The following ATL1 variants were observed in gnomAD, a reference collection of about 807,000 sequenced individuals.
ATL1 encodes the protein atlastin-1.
A neutral mutation model predicts 75.5 loss-of-function variants in ATL1; 31 were observed. The observed-to-expected ratio is 0.41, with a 90% confidence interval of 0.31 to 0.55. The LOEUF is 0.55. Among genes scored for constraint, ATL1 ranks in the 20% least tolerant of loss-of-function variants. ATL1 has a pLI of 0.27. For synonymous variants in ATL1, 226 were observed against 233.3 expected, an observed-to-expected ratio of 0.97 and a Z score of 0.28; for missense variants, 405 against 662.6, an observed-to-expected ratio of 0.61 and a Z score of 4.27.
chr14:50,623,352 G>T, intron 11 of ATL1, 104 bp downstream of exon 11: 1 of 906,396 alleles, frequency 1.1e-6, no homozygotes, highest in Non-Finnish European at 1.8e-6. Context: ...CATGCAATGA[G>T]GTGGCTTTGA....
intron 1 of ATL1, among the ~76,000 whole-genome samples, chr14:50,548,915 A>G (rs1319772533): frequency 6.6e-6 from 1 of 152,182 alleles, no homozygotes; most frequent in Non-Finnish European, 1.5e-5. Flanking sequence ...CACCACCAGA[A>G]AGCAGACCAC....
chr14:50,581,856 T>C (rs941981472), intron 1 of ATL1, among the ~76,000 whole-genome samples: 4 of 152,302 alleles, frequency 2.6e-5, no homozygotes, highest in Admixed American at 2.6e-4. Flanking sequence ...AATCTGCATA[T>C]TTACTGATTT....
intron 6 of ATL1, among the ~76,000 whole-genome samples, chr14:50,603,964 A>G (rs1452451377): frequency 6.6e-6 from 1 of 152,106 alleles, no homozygotes; most frequent in East Asian, 1.9e-4. Flanking sequence ...GATTCTCCCA[A>G]TTTCTACATT....
intron 1 of ATL1, among the ~76,000 whole-genome samples, chr14:50,575,078 A>G (rs1478953462): frequency 6.7e-6 from 1 of 149,122 alleles, no homozygotes; most frequent in Non-Finnish European, 1.5e-5. Context: ...TTTGTCTTTA[A>G]TTACTGGAAA....
chr14:50,608,507 GC>G (rs1768617998), intron 6 of ATL1, among the ~76,000 whole-genome samples: 1 of 151,970 alleles, frequency 6.6e-6, no homozygotes, highest in African/African-American at 2.4e-5. Context: ...CAGTTTATCA[GC>G]ACATCACTGG....
intron 1 of ATL1, 97 bp downstream of exon 1, chr14:50,560,396 T>A: frequency 6.7e-7 from 1 of 1,486,198 alleles, no homozygotes; most frequent in Non-Finnish European, 9.2e-7. Flanking sequence ...GGCTGCTAGG[T>A]GCCTGCGTCC....
intron 1 of ATL1, among the ~76,000 whole-genome samples, chr14:50,568,525 T>A (rs1003355919): frequency 1.3e-5 from 2 of 152,226 alleles, no homozygotes; most frequent in African/African-American, 4.8e-5. Context: ...GTGGAATATC[T>A]TTTTCCACCC....
intron 1 of ATL1, among the ~76,000 whole-genome samples, chr14:50,537,647 A>G (rs1422328344): frequency 9.2e-5 from 14 of 152,240 alleles, no homozygotes; most frequent in Admixed American, 9.2e-4. Flanking sequence ...GCCCAAGACC[A>G]TGGGAACCAA....
chr14:50,613,799 A>G (rs1018855238), intron 7 of ATL1, among the ~76,000 whole-genome samples: 3 of 152,186 alleles, frequency 2.0e-5, no homozygotes, highest in Non-Finnish European at 4.4e-5. Flanking sequence ...ATTTACAAAA[A>G]TGTTCCTTGA....
upstream of ATL1, among the ~76,000 whole-genome samples, chr14:50,555,805 T>C (rs1378926616): frequency 1.3e-5 from 2 of 152,226 alleles, no homozygotes; most frequent in Non-Finnish European, 2.9e-5. Context: ...AAAGTAAATG[T>C]CATTTTTTGG....
At position 50,564,773 on chromosome 14, in the gene ATL1, G is replaced by A. The variant is rs1409898602; in HGVS notation, c.34+4474G>A. Among the ~76,000 whole-genome samples the A allele has an allele frequency of 2.6e-5, 4 of 151,654 alleles. No homozygotes were observed. The East Asian group carries it at 5.8e-4, about 22-fold the overall frequency. ...TATCTTAGCTTCACAGTAAGTGTAG[G>A]AAATGCCTATTTGTTGAAAAGGCAT... On this transcript the variant is annotated intron_variant, in intron 1 of 13. Transcript: ENST00000358385.
chr14:50,593,896 G>T lies in ATL1; in HGVS notation c.573G>T (p.Gln191His). Residue 191 changes from glutamine (Q) to histidine (H), a missense_variant and splice_region_variant, in exon 5 of 14, where the codon CAG becomes CAT. This residue lies in a region of ATL1 where 59 missense variants were observed against 161.4 expected (regional missense o/e 0.37). Transcript: ENST00000358385. ...NVQEDDLQHL[Q>H]LFTEYGRLAM... ...AGGAGGATGATCTTCAGCACCTCCA[G>T]GTAACAATATTTATTTTCTTTTTTG... is the stretch of plus-strand genomic sequence containing the variant. 1 of 1,604,296 alleles carries T rather than the reference G, an allele frequency of 6.2e-7. No homozygotes were observed. Among genetic ancestry groups the T allele is most frequent in the Non-Finnish European group, 8.5e-7 (1 of 1,171,876 alleles).
At chr14:50,547,118 C>T (rs1466178659) in intron 1 of ATL1, among the ~76,000 whole-genome samples, 1 of 151,962 alleles carries the variant, frequency 6.6e-6, no homozygotes, top group Non-Finnish European at 1.5e-5. Flanking sequence ...TATTTACAGG[C>T]TATAAAAATG....
intron 1 of ATL1, among the ~76,000 whole-genome samples, chr14:50,574,937 GTATATATATA>G (rs71118894): frequency 1.6e-3 from 37 of 23,160 alleles, no homozygotes; most frequent in South Asian, 9.8e-3. Context: ...GTGTGTGTGT[GTATATATATA>G]TATATATATA....
At chr14:50,546,844 T>A (rs1475379578) in intron 1 of ATL1, among the ~76,000 whole-genome samples, 1 of 152,206 alleles carries the variant, frequency 6.6e-6, no homozygotes, top group Non-Finnish European at 1.5e-5. Context: ...AAGGTTTTTT[T>A]TTAATTATTA....
chr14:50,588,433 T>A (rs1424119136), intron 2 of ATL1, among the ~76,000 whole-genome samples: 2 of 152,246 alleles, frequency 1.3e-5, no homozygotes, highest in Non-Finnish European at 2.9e-5. Context: ...TATGAAATAT[T>A]TCAAGCATAT....
chr14:50,585,147 G>C (rs914780583), intron 1 of ATL1, among the ~76,000 whole-genome samples: 16 of 152,180 alleles, frequency 1.1e-4, no homozygotes, highest in African/African-American at 3.9e-4. Context: ...GTGTTAGAAA[G>C]GATATGGATC....
At chr14:50,594,198 C>T (rs972412538) in intron 5 of ATL1, among the ~76,000 whole-genome samples, 4 of 152,140 alleles carry the variant, frequency 2.6e-5, no homozygotes, top group African/African-American at 4.8e-5. Flanking sequence ...AAATGCCAAG[C>T]GAAGTGGGAG....
intron 6 of ATL1, among the ~76,000 whole-genome samples, chr14:50,601,545 A>G (rs11851582): frequency 0.012 from 1,797 of 152,324 alleles, 35 homozygotes; most frequent in African/African-American, 0.041. Flanking sequence ...CATGACGTCA[A>G]CCAACTTGCA....
Sources: gnomAD v4.1 joint callset for allele counts (sites outside exome capture counted in the v4.1 genomes callset) on GRCh38, gnomAD v4.1.1 for gene constraint, gnomAD v4.1.1 regional missense constraint, MANE v1.5 for transcripts, NCBI Gene and HGNC (gene_info 2026-07-23, HGNC 2026-07-21) for gene names.